Variants in EEFSEC observed in about 807,000 individuals in gnomAD.
The protein encoded by EEFSEC is eukaryotic elongation factor, selenocysteine-tRNA specific.
Under a neutral mutation model 42.1 loss-of-function variants are expected in EEFSEC, and 43 were observed. The observed-to-expected ratio is 1.02, with a 90% CI of 0.80 to 1.32. EEFSEC has a LOEUF of 1.32. Ranked by LOEUF, EEFSEC falls within the 40% of genes most tolerant of loss-of-function variation. The pLI, the probability that EEFSEC is intolerant of heterozygous loss-of-function variation, is 0.00. For missense variants in EEFSEC, 745 were observed against 803.6 expected, an observed-to-expected ratio of 0.93 and a Z score of 0.88; for synonymous variants, 354 against 339.1, an observed-to-expected ratio of 1.04 and a Z score of -0.48.
intron 1 of EEFSEC, among the ~76,000 whole-genome samples, chr3:128,187,913 G>A (rs1318004341): frequency 6.6e-6 from 1 of 152,232 alleles, no homozygotes; most frequent in East Asian, 1.9e-4. Flanking sequence ...GATTTGGAGG[G>A]TTTGGACAAT....
At chr3:128,410,460 T>TCCATGGGAG (rs1340518732), downstream of EEFSEC, among the ~76,000 whole-genome samples, 2 of 152,084 alleles carry the variant, frequency 1.3e-5, no homozygotes, top group Admixed American at 1.3e-4. Flanking sequence ...CATGGGAGCT[T>TCCATGGGAG]CCATGGGAGC....
At chr3:128,244,149 G>A (rs2066102139) in intron 1 of EEFSEC, among the ~76,000 whole-genome samples, 1 of 152,196 alleles carries the variant, frequency 6.6e-6, no homozygotes, top group Non-Finnish European at 1.5e-5. Context: ...AAAATAGGCT[G>A]GGCCCCCAAC....
At chr3:128,164,979 C>T (rs779466500) in intron 1 of EEFSEC, among the ~76,000 whole-genome samples, 9 of 152,180 alleles carry the variant, frequency 5.9e-5, no homozygotes, top group Non-Finnish European at 1.3e-4. Context: ...AGGCGGATGC[C>T]ATCAGCAGGG....
chr3:128,210,254 C>T (rs909128189), intron 1 of EEFSEC, among the ~76,000 whole-genome samples: 3 of 152,184 alleles, frequency 2.0e-5, no homozygotes, highest in Non-Finnish European at 2.9e-5. Flanking sequence ...GGCTTGGTCT[C>T]CTGGAGAGGT....
chr3:128,377,042 C>T (rs2067717985), intron 6 of EEFSEC, among the ~76,000 whole-genome samples: 1 of 152,132 alleles, frequency 6.6e-6, no homozygotes, highest in Non-Finnish European at 1.5e-5. Context: ...ACCTCACAAA[C>T]TGTTTTTTTA....
intron 2 of EEFSEC, among the ~76,000 whole-genome samples, chr3:128,254,148 G>A (rs2066217680): frequency 6.6e-6 from 1 of 152,190 alleles, no homozygotes; most frequent in South Asian, 2.1e-4. Flanking sequence ...CTTTGTGTCG[G>A]AGTTAAAGGC....
At chr3:128,319,205 C>T (rs2066980942) in intron 4 of EEFSEC, among the ~76,000 whole-genome samples, 1 of 152,200 alleles carries the variant, frequency 6.6e-6, no homozygotes, top group Non-Finnish European at 1.5e-5. Context: ...TTCTGTGGCT[C>T]CTGACCCTCA....
intron 4 of EEFSEC, among the ~76,000 whole-genome samples, chr3:128,340,401 A>G (rs144509922): frequency 0.016 from 2,375 of 150,258 alleles, 46 homozygotes; most frequent in African/African-American, 0.054. Flanking sequence ...ATTTGCATGC[A>G]TGTAATTTAT....
chr3:128,416,146 A>G, the EEFSEC span, among the ~76,000 whole-genome samples: 1 of 152,100 alleles, frequency 6.6e-6, no homozygotes. Flanking sequence ...AAGACAGACA[A>G]GCATCTCCCG....
chr3:128,160,510 G>A (rs897143041), intron 1 of EEFSEC, among the ~76,000 whole-genome samples: 1 of 152,208 alleles, frequency 6.6e-6, no homozygotes, highest in Non-Finnish European at 1.5e-5. Context: ...TAAAGCAGGT[G>A]TGTGATATGA....
chr3:128,425,435 G>A, the EEFSEC span, among the ~76,000 whole-genome samples: 1 of 152,128 alleles, frequency 6.6e-6, no homozygotes, highest in East Asian at 1.9e-4. Context: ...TCCAGTTTGG[G>A]GTGACTGTGA....
chr3:128,288,573 G>C (rs1041148739), intron 4 of EEFSEC, among the ~76,000 whole-genome samples: 1 of 152,198 alleles, frequency 6.6e-6, no homozygotes, highest in Non-Finnish European at 1.5e-5. Flanking sequence ...TGGGCCCTGA[G>C]ATTTGGGGCT....
chr3:128,405,296 A>G, intron 6 of EEFSEC, among the ~76,000 whole-genome samples: 1 of 152,186 alleles, frequency 6.6e-6, no homozygotes, highest in Middle Eastern at 3.2e-3. Flanking sequence ...GATTCCAGGC[A>G]TGAGCCCTTG....
At chr3:128,174,871 T>G (rs550267064) in intron 1 of EEFSEC, among the ~76,000 whole-genome samples, 5 of 152,124 alleles carry the variant, frequency 3.3e-5, no homozygotes, top group Non-Finnish European at 5.9e-5. Context: ...AAAGTCCTCT[T>G]CCCTCAGCAT....
At chr3:128,356,900 C>T (rs1427807496) in intron 5 of EEFSEC, among the ~76,000 whole-genome samples, 1 of 152,276 alleles carries the variant, frequency 6.6e-6, no homozygotes, top group African/African-American at 2.4e-5. Context: ...CTGTGCTCCA[C>T]TTCTTGAACT....
chr3:128,207,566 TACACACACACACACACACAC>T (rs10574435), intron 1 of EEFSEC, among the ~76,000 whole-genome samples: 3 of 142,490 alleles, frequency 2.1e-5, no homozygotes, highest in Admixed American at 1.4e-4. Context: ...ACACATTGCA[TACACACACACACACACACAC>T]ACACACACAC....
At chr3:128,160,426 G>A (rs1189009770) in intron 1 of EEFSEC, among the ~76,000 whole-genome samples, 1 of 152,216 alleles carries the variant, frequency 6.6e-6, no homozygotes, top group Non-Finnish European at 1.5e-5. Flanking sequence ...AGAAGGGTTG[G>A]CAGGGCCAGA....
the EEFSEC span, among the ~76,000 whole-genome samples, chr3:128,415,793 G>A: frequency 1.3e-5 from 2 of 152,196 alleles, no homozygotes; most frequent in Admixed American, 6.5e-5. Context: ...TCTCCTGGCC[G>A]GCCTCTTATG....
At chr3:128,232,037 G>T (rs1481652693) in intron 1 of EEFSEC, among the ~76,000 whole-genome samples, 1 of 152,074 alleles carries the variant, frequency 6.6e-6, no homozygotes, top group Non-Finnish European at 1.5e-5. Context: ...ATCCATATTT[G>T]GTGATTTGTC....
Sources: gnomAD v4.1 joint callset for allele counts (sites outside exome capture counted in the v4.1 genomes callset) on GRCh38, gnomAD v4.1.1 for gene constraint, MANE v1.5 for transcripts, NCBI Gene and HGNC (gene_info 2026-07-23, HGNC 2026-07-21) for gene names.